FBXL13: variants seen among roughly 807,000 people sequenced by gnomAD.
FBXL13 encodes F-box and leucine-rich repeat protein 13.
A neutral mutation model predicts 83.6 loss-of-function variants in FBXL13; 67 were observed. The observed-to-expected ratio is 0.80, with a 90% CI of 0.66 to 0.98. FBXL13 has a LOEUF of 0.98. Ranked by LOEUF, FBXL13 falls within the 50% of genes least tolerant of loss-of-function variation. The probability of loss-of-function intolerance (pLI) is 0.00; values close to 1 mark genes in which losing one functional copy is unlikely to be tolerated. For synonymous variants in FBXL13, 272 were observed against 299.5 expected, an observed-to-expected ratio of 0.91 and a Z score of 0.95; for missense variants, 822 against 866.5, an observed-to-expected ratio of 0.95 and a Z score of 0.64.
chr7:102,867,452 G>C (rs954183149), intron 16 of FBXL13, among the ~76,000 whole-genome samples: 10 of 151,868 alleles, frequency 6.6e-5, no homozygotes, highest in African/African-American at 2.4e-4. Context: ...ATAACTTGTA[G>C]AGATGGGGAA....
chr7:102,931,256 A>G (rs562665165), intron 9 of FBXL13, among the ~76,000 whole-genome samples: 42 of 152,376 alleles, frequency 2.8e-4, no homozygotes, highest in Non-Finnish European at 5.4e-4. Flanking sequence ...GTGTGTACAC[A>G]GAAACTGAAA....
At chr7:103,000,450 A>T (rs1489344649) in intron 6 of FBXL13, among the ~76,000 whole-genome samples, 3 of 152,256 alleles carry the variant, frequency 2.0e-5, no homozygotes, top group African/African-American at 7.2e-5. Context: ...ATCAGAAAAG[A>T]TACTTGATTT....
chr7:102,879,186 C>T (rs955947636), intron 14 of FBXL13, among the ~76,000 whole-genome samples: 31 of 152,154 alleles, frequency 2.0e-4, no homozygotes, highest in African/African-American at 7.2e-4. Context: ...CATTGCAATC[C>T]TAAGAGGCAG....
At chr7:102,829,219 C>A (rs1487699139) in intron 18 of FBXL13, among the ~76,000 whole-genome samples, 1 of 152,210 alleles carries the variant, frequency 6.6e-6, no homozygotes, top group East Asian at 1.9e-4. Flanking sequence ...GGGAAACAGG[C>A]CCTCCAGGAA....
intron 17 of FBXL13, among the ~76,000 whole-genome samples, chr7:102,851,123 A>G (rs1393605804): frequency 6.6e-6 from 1 of 152,108 alleles, no homozygotes; most frequent in Non-Finnish European, 1.5e-5. Flanking sequence ...CCTTTGAGGT[A>G]ATTTTTTATT....
Position 103,042,599 on chromosome 7 carries a change from A to G in FBXL13, c.-1+13045T>C, listed in dbSNP as rs1478887825. Among the ~76,000 whole-genome samples, 9 of 152,210 alleles carry G rather than the reference A, an allele frequency of 5.9e-5. No homozygotes were observed. In the East Asian group the frequency reaches 1.7e-3, roughly 29 times the overall value. On this transcript the variant is annotated intron_variant, in intron 2 of 19. Coordinates refer to ENST00000313221, the Ensembl canonical transcript of FBXL13. ...ACAAGGCTACAGTAACCAAAACAGC[A>G]TGGTACTGGTACCAAAACAGATATA...
At chr7:103,014,805 C>G (rs974464543) in intron 6 of FBXL13, among the ~76,000 whole-genome samples, 1 of 151,518 alleles carries the variant, frequency 6.6e-6, no homozygotes, top group Non-Finnish European at 1.5e-5. Context: ...CGCCTGTAGT[C>G]CCAGCTACTT....
chr7:103,049,366 C>G (rs915547993), intron 2 of FBXL13, among the ~76,000 whole-genome samples: 2 of 152,178 alleles, frequency 1.3e-5, no homozygotes, highest in Non-Finnish European at 2.9e-5. Context: ...ATCTTTAAAG[C>G]TGTTTATATT....
In FBXL13 at chr7:102,834,473, A is replaced by ATATATATGTGTG. The variant is rs1491519097; in HGVS notation, c.1720-1500_1720-1499insCACACATATATA. Reference sequence around the variant, plus strand: ...TATGTGATTATATATATATATATATATGTGATGTGGCTCTTAGCACAAAAT... The same window carrying ATATATATGTGTG: ...TATGTGATTATATATATATATATATATATATATGTGTGTGTGATGTGGCTCTTAGCACAAAAT... On this transcript the variant is annotated intron_variant, in intron 17 of 19. Coordinates refer to ENST00000313221, the Ensembl canonical transcript of FBXL13. 36 of 141,540 alleles carry ATATATATGTGTG rather than the reference A, an allele frequency of 2.5e-4. 1 individual carries two copies. The highest frequency in any genetic ancestry group is 1.9e-3 in the Admixed American group (27 of 14,080). The allele number at this position is 141,540 out of a possible 1,614,324, so 8.8% of individuals were successfully genotyped here.
At chr7:102,871,720 A>C (rs1250988985) in intron 16 of FBXL13, among the ~76,000 whole-genome samples, 1 of 152,114 alleles carries the variant, frequency 6.6e-6, no homozygotes, top group African/African-American at 2.4e-5. Flanking sequence ...TTCCAAAGCC[A>C]GAACTTTTAA....
In FBXL13 at chr7:102,870,566, G is replaced by A. The variant is rs553877460; in HGVS notation, c.1635+6901C>T. Among the ~76,000 whole-genome samples, 3 of 152,194 alleles carry A rather than the reference G, an allele frequency of 2.0e-5. No individual in the cohort carries two copies. In the East Asian group the frequency reaches 5.8e-4, roughly 29 times the overall value. The stretch of plus-strand genomic sequence containing the variant: ...GCCCCTACCCAGGCACATGAAGAAC[G>A]GAAGGAGTCGCAGACCCAGGCAGGA... On this transcript the variant is annotated intron_variant, in intron 16 of 19. Transcript: ENST00000313221.
chr7:102,918,529 C>A (rs540092983), intron 10 of FBXL13, among the ~76,000 whole-genome samples: 1 of 152,258 alleles, frequency 6.6e-6, no homozygotes, highest in East Asian at 1.9e-4. Context: ...ATAAACTACA[C>A]CCTGGGTCAC....
intron 7 of FBXL13, among the ~76,000 whole-genome samples, chr7:102,964,404 A>ATATATATATATATATATATTTTTTTTTT (rs796873670): frequency 1.4e-5 from 2 of 143,270 alleles, no homozygotes; most frequent in African/African-American, 5.3e-5. Flanking sequence ...ATATATATAT[A>ATATATATATATATATATATTTTTTTTTT]TTTTTTTTTT....
At chr7:102,865,159 C>T (rs963967820) in intron 16 of FBXL13, among the ~76,000 whole-genome samples, 2 of 152,134 alleles carry the variant, frequency 1.3e-5, no homozygotes, top group Non-Finnish European at 2.9e-5. Flanking sequence ...TCTATTTATA[C>T]GGACTCAATT....
chr7:103,008,384 A>G (rs1791210816), intron 6 of FBXL13, among the ~76,000 whole-genome samples: 1 of 152,156 alleles, frequency 6.6e-6, no homozygotes, highest in Non-Finnish European at 1.5e-5. Flanking sequence ...TTGATGATCA[A>G]CTGTAAAAGC....
intron 16 of FBXL13, among the ~76,000 whole-genome samples, chr7:102,855,720 C>T (rs558676102): frequency 7.5e-5 from 11 of 147,118 alleles, no homozygotes; most frequent in Non-Finnish European, 1.3e-4. Flanking sequence ...AGAAATGACA[C>T]ATAGATTTGT....
intron 6 of FBXL13, among the ~76,000 whole-genome samples, chr7:103,000,125 A>G (rs1168462906): frequency 1.3e-5 from 2 of 152,126 alleles, no homozygotes; most frequent in African/African-American, 4.8e-5. Context: ...AACTTAAGAT[A>G]TTTAAAAATT....
intron 17 of FBXL13, among the ~76,000 whole-genome samples, chr7:102,836,152 T>C (rs1229142504): frequency 6.6e-6 from 1 of 152,220 alleles, no homozygotes; most frequent in Non-Finnish European, 1.5e-5. Context: ...TTAAAAGCTC[T>C]AATATTCTTT....
At chr7:102,994,849 C>G (rs1001120225) in intron 6 of FBXL13, among the ~76,000 whole-genome samples, 3 of 152,084 alleles carry the variant, frequency 2.0e-5, no homozygotes, top group African/African-American at 7.2e-5. Context: ...ATGACAACCC[C>G]AAAGTTAAGC....
Sources: gnomAD v4.1 joint callset for allele counts (sites outside exome capture counted in the v4.1 genomes callset) on GRCh38, gnomAD v4.1.1 for gene constraint, MANE v1.5 for transcripts, NCBI Gene and HGNC (gene_info 2026-07-23, HGNC 2026-07-21) for gene names.